The following GRM6 variants were observed in gnomAD, a reference collection of about 807,000 sequenced individuals.
GRM6 encodes the protein metabotropic glutamate receptor 6.
A neutral mutation model predicts 78.4 loss-of-function variants in GRM6; 73 were observed. That is an observed-to-expected ratio of 0.93 (90% CI 0.77 to 1.13). The LOEUF (loss-of-function observed/expected upper bound fraction) is 1.13, where lower values mean the gene tolerates loss of function less well. Among genes scored for constraint, GRM6 ranks in the 50% most tolerant of loss-of-function variants. GRM6 has a pLI of 0.00. For synonymous variants in GRM6, 580 were observed against 555.0 expected, an observed-to-expected ratio of 1.05 and a Z score of -0.63; for missense variants, 1,251 against 1,256.4, an observed-to-expected ratio of 1.00 and a Z score of 0.07.
Position 178,986,946 on chromosome 5 carries a change from T to C in GRM6, c.1392A>G (p.Gly464=), listed in dbSNP as rs11746675. 1,010,138 of 1,613,232 alleles carry C rather than the reference T, an allele frequency of 0.63. 319,953 individuals carry two copies. The highest frequency in any genetic ancestry group is 0.65 in the Non-Finnish European group (771,793 of 1,179,568). The change falls in exon 8 of 11, where the codon GGA becomes GGG. Residue 464 remains glycine (G), a synonymous_variant. Coordinates refer to ENST00000517717, the MANE Select transcript of GRM6 (RefSeq NM_000843.4). ...AGTPVMFNEN[G]DAPGRYDIFQ... ...AGATGTCGTACCGCCCGGGCGCATCTCCGTTCTCGTTGAACATCACAGGGG... is the reference window on the plus strand; with the variant it reads ...AGATGTCGTACCGCCCGGGCGCATCCCCGTTCTCGTTGAACATCACAGGGG...
At chr5:178,993,924 T>C (rs1354297861) in intron 2 of GRM6, among the ~76,000 whole-genome samples, 1 of 152,022 alleles carries the variant, frequency 6.6e-6, no homozygotes, top group Non-Finnish European at 1.5e-5. Context: ...GAAAATAAAT[T>C]TAAATGATCA....
intron 7 of GRM6, among the ~76,000 whole-genome samples, chr5:178,987,879 A>G (rs1760597953): frequency 6.7e-6 from 1 of 148,552 alleles, no homozygotes; most frequent in Non-Finnish European, 1.5e-5. Flanking sequence ...CCTGTCTCAG[A>G]CTCCCGAGTA....
chr5:178,984,267 C>T (rs1234026278), intron 9 of GRM6, among the ~76,000 whole-genome samples: 1 of 144,864 alleles, frequency 6.9e-6, no homozygotes, highest in Non-Finnish European at 1.5e-5. Flanking sequence ...GATGCCGCAG[C>T]CCGTGGAGTG....
Position 178,988,920 on chromosome 5 carries a change from C to T in GRM6, c.1354+15G>A. On this transcript the variant is annotated intron_variant, in intron 7 of 10. Transcript: ENST00000517717. This position sits in a 1 kb window ranked among gnomAD's most constrained non-coding sequence, Gnocchi z 6.0. Reference sequence around the variant, plus strand: ...GCTGTCCTTCACTGCTGCAGGGGGGCAGGCACCCACTCACCATTGAAGCGG... The same window carrying T: ...GCTGTCCTTCACTGCTGCAGGGGGGTAGGCACCCACTCACCATTGAAGCGG... The T allele has an allele frequency of 6.2e-7, 1 of 1,604,282 alleles. No homozygotes were observed. The highest frequency in any genetic ancestry group is 1.3e-5 in the African/African-American group (1 of 74,848).
intron 7 of GRM6, 69 bp from the exon 8 acceptor site, chr5:178,987,052 A>AG (rs1760581918): frequency 6.7e-7 from 1 of 1,484,210 alleles, no homozygotes; most frequent in African/African-American, 1.4e-5. Flanking sequence ...GGGAGGCCCC[A>AG]GGGACCAGCA....
rs138887489 is a variant in GRM6 at position 178,986,710 on chromosome 5, G to A, written c.1544C>T (p.Ser515Leu). The change falls in exon 9 of 11, where the codon TCG (serine) becomes TTG (leucine). Residue 515 changes from serine (S) to leucine (L), a missense_variant. Physicochemically the swap from Ser to Leu is moderately radical, Grantham distance 145. Coordinates refer to ENST00000517717, the MANE Select transcript of GRM6 (RefSeq NM_000843.4). ...QWSGDPHEVP[S>L]SLCSLPCGPG... ...CCCGCAGGGCAGGCTGCACAGAGAC[G>A]AGGGCACCTCGTGGGGGTCGCCAGA... 1.9e-4 allele frequency: 311 copies of A among 1,604,934 alleles called. No homozygotes were observed. Among genetic ancestry groups the A allele is most frequent in the East Asian group, 1.3e-3 (58 of 44,826 alleles).
rs62638619 is a variant in GRM6, at chr5:178,986,310, C to T, written c.1944G>A (p.Ala648=). Residue 648 remains alanine (A), a synonymous_variant, in exon 9 of 11, where the codon GCG becomes GCA. Coordinates refer to ENST00000517717, the MANE Select transcript of GRM6 (RefSeq NM_000843.4). ...TFLMVAEPGA[A]VCAARRLFLG... The stretch of plus-strand genomic sequence containing the variant: ...GGAAGAGCCTGCGGGCGGCACAGAC[C>T]GCGGCCCCAGGCTCAGCCACCATGA... 122 of 1,613,936 alleles carry T rather than the reference C, an allele frequency of 7.6e-5. 1 individual carries two copies. In the Admixed American group the frequency reaches 1.4e-3, roughly 19 times the overall value.
chr5:178,992,050 C>T lies in GRM6; in HGVS notation c.538G>A (p.Glu180Lys). The T allele has an allele frequency of 1.2e-6, 2 of 1,613,978 alleles. No homozygotes were observed. The highest frequency in any genetic ancestry group is 1.7e-6 in the Non-Finnish European group (2 of 1,179,968). Residue 180 changes from glutamate (E) to lysine (K), a missense_variant, in exon 3 of 11, where the codon GAG becomes AAG. By Grantham distance (56) the Glu-to-Lys change is moderately conservative. Transcript: ENST00000517717. The surrounding 1 kb of genome is among the most constrained non-coding windows in gnomAD (Gnocchi z 4.9). The stretch of plus-strand genomic sequence containing the variant: ...TCATAGCGTGTGGAGTCGCTGAGCT[C>T]CGGGGCTGTGGAGGCATAGCTGATC... Reference protein sequence around the residue: ...PQISYASTAPELSDSTRYDFF... With the variant: ...PQISYASTAPKLSDSTRYDFF...
At position 178,991,297 on chromosome 5, in the gene GRM6, A is replaced by G; in HGVS notation, c.857+127T>C. ...ACCAGACTCAGAGGCAGCAGCAGGG[A>G]AGGTGGGGGGTGCGGGGAGCAGGGG... On this transcript the variant is annotated intron_variant, in intron 4 of 10. Coordinates refer to ENST00000517717, the MANE Select transcript of GRM6 (RefSeq NM_000843.4). This position sits in a 1 kb window ranked among gnomAD's most constrained non-coding sequence, Gnocchi z 5.0. 1 of 909,468 alleles carries G rather than the reference A, an allele frequency of 1.1e-6. No individual in the cohort carries two copies. Among genetic ancestry groups the G allele is most frequent in the South Asian group, 1.3e-5 (1 of 75,650 alleles). The allele number at this position is 909,468 out of a possible 1,614,324, so 56.3% of individuals were successfully genotyped here.
intron 2 of GRM6, among the ~76,000 whole-genome samples, chr5:178,993,560 A>G (rs941512426): frequency 6.6e-6 from 1 of 152,056 alleles, no homozygotes; most frequent in Non-Finnish European, 1.5e-5. Context: ...CTCTCAGGAA[A>G]CAGAAGTTCC....
chr5:178,981,763 A>G lies in GRM6; in HGVS notation c.2528T>C (p.Ile843Thr). 3 of 1,613,514 alleles carry G rather than the reference A, an allele frequency of 1.9e-6. No homozygotes were observed. The highest frequency in any genetic ancestry group is 2.5e-6 in the Non-Finnish European group (3 of 1,179,420). ...GMLYVPKTYVILFHPEQNVQK... is the reference protein window; with the variant it reads ...GMLYVPKTYVTLFHPEQNVQK... Reference sequence around the variant, plus strand: ...CACATTCTGCTCTGGATGGAAGAGGATGACGTAGGTTTTGGGTACGTAGAG... The same window carrying G: ...CACATTCTGCTCTGGATGGAAGAGGGTGACGTAGGTTTTGGGTACGTAGAG... Residue 843 changes from isoleucine to threonine, a missense_variant, in exon 11 of 11, where the codon ATC becomes ACC. Coordinates refer to ENST00000517717, the MANE Select transcript of GRM6 (RefSeq NM_000843.4). The surrounding 1 kb of genome is among the most constrained non-coding windows in gnomAD (Gnocchi z 5.1).
Position 178,981,988 on chromosome 5 carries a change from C to G in GRM6, c.2437-134G>C. ...CTGGGAATGAGCACTTAGACCAGGACAACAGTATGAGCAGGGGCCCCGCGC... is the reference window on the plus strand; with the variant it reads ...CTGGGAATGAGCACTTAGACCAGGAGAACAGTATGAGCAGGGGCCCCGCGC... On this transcript the variant is annotated intron_variant, in intron 10 of 10. Coordinates refer to ENST00000517717, the MANE Select transcript of GRM6 (RefSeq NM_000843.4). The surrounding 1 kb of genome is among the most constrained non-coding windows in gnomAD (Gnocchi z 5.1). The G allele has an allele frequency of 1.3e-6, 1 of 772,508 alleles. No homozygotes were observed. The allele number at this position is 772,508 out of a possible 1,614,324, so 47.9% of individuals were successfully genotyped here. A position where few individuals can be genotyped will look rare whatever the true frequency, so the allele number is the denominator to read the frequency against.
chr5:178,993,717 CCCT>C (rs1760723470), intron 2 of GRM6, among the ~76,000 whole-genome samples: 1 of 152,120 alleles, frequency 6.6e-6, no homozygotes, highest in Non-Finnish European at 1.5e-5. Context: ...TATGCCAAAG[CCCT>C]CCTAATCCCG....
intron 6 of GRM6, 50 bp downstream of exon 6, chr5:178,989,215 T>TGCCCCCCCC: frequency 1.1e-6 from 1 of 886,704 alleles, no homozygotes; most frequent in Non-Finnish European, 1.6e-6. Context: ...CTCCCCACCC[T>TGCCCCCCCC]CACCACCCTC....
Position 178,981,993 on chromosome 5 carries a change from G to A in GRM6, c.2437-139C>T. Reference sequence around the variant, plus strand: ...AATGAGCACTTAGACCAGGACAACAGTATGAGCAGGGGCCCCGCGCCTGAG... The same window carrying A: ...AATGAGCACTTAGACCAGGACAACAATATGAGCAGGGGCCCCGCGCCTGAG... On this transcript the variant is annotated intron_variant, in intron 10 of 10. Coordinates refer to ENST00000517717, the MANE Select transcript of GRM6 (RefSeq NM_000843.4). This position sits in a 1 kb window ranked among gnomAD's most constrained non-coding sequence, Gnocchi z 5.1. 1 of 760,102 alleles carries A rather than the reference G, an allele frequency of 1.3e-6. No individual in the cohort carries two copies. Among genetic ancestry groups the A allele is most frequent in the Non-Finnish European group, 2.4e-6 (1 of 420,638 alleles). The allele number at this position is 760,102 out of a possible 1,614,324, so 47.1% of individuals were successfully genotyped here. A position where few individuals can be genotyped will look rare whatever the true frequency, so the allele number is the denominator to read the frequency against.
rs898245671 is a variant in GRM6 at position 178,978,519 on chromosome 5, A to G, written c.*3138T>C. 4.6e-5 allele frequency: 7 copies of G among 152,234 alleles called. No homozygotes were observed. Among genetic ancestry groups the G allele is most frequent in the Admixed American group, 4.6e-4 (7 of 15,292 alleles). The allele number at this position is 152,234 out of a possible 1,614,324, so 9.4% of individuals were successfully genotyped here. ...AGTGAGACAGCCTAAGAAAATGGTT[A>G]CTATACAGAAGCTCTTCTGTAGAAG... On this transcript the variant is annotated 3_prime_UTR_variant, in exon 11 of 11. Transcript: ENST00000517717.
intron 9 of GRM6, chr5:178,985,167 C>A: frequency 2.3e-6 from 1 of 426,616 alleles, no homozygotes; most frequent in South Asian, 1.7e-5. Context: ...AGCAGAGACT[C>A]CCTTGTGGAA....
chr5:178,985,222 G>T (rs759719691), intron 9 of GRM6: 29 of 454,556 alleles, frequency 6.4e-5, no homozygotes, highest in Non-Finnish European at 2.7e-5. Context: ...TTCCATATGT[G>T]AGCCAAATTG....
At chr5:178,984,853 C>T (rs371867254) in intron 9 of GRM6, among the ~76,000 whole-genome samples, 20 of 152,210 alleles carry the variant, frequency 1.3e-4, no homozygotes, top group South Asian at 2.1e-4. Context: ...AGCAGGTGTT[C>T]GCACTGAGGC....
Sources: allele counts gnomAD v4.1 joint callset (sites outside exome capture counted in the v4.1 genomes callset), GRCh38; gene constraint gnomAD v4.1.1; non-coding constraint Gnocchi (gnomAD v3.1); transcripts MANE v1.5; gene names NCBI Gene and HGNC (gene_info 2026-07-23, HGNC 2026-07-21).